The following WBP2NL variants were observed in gnomAD, a reference collection of about 807,000 sequenced individuals.
WBP2NL encodes the protein WBP2 N-terminal like.
In WBP2NL, 27 loss-of-function variants were observed where a neutral mutation model predicts 23.3. That is an observed-to-expected ratio of 1.16 (90% CI 0.85 to 1.60). The LOEUF is 1.60. Among genes scored for constraint, WBP2NL ranks in the 40% most tolerant of loss-of-function variants. The probability of loss-of-function intolerance (pLI) is 0.00; values close to 1 mark genes in which losing one functional copy is unlikely to be tolerated. For missense variants in WBP2NL, 370 were observed against 389.5 expected (o/e 0.95, Z 0.42); for synonymous variants, 151 against 145.9 (o/e 1.03, Z -0.25).
chr22:42,001,741 T>C, intron 1 of WBP2NL: 1 of 1,215,036 alleles, frequency 8.2e-7, no homozygotes, highest in Non-Finnish European at 1.2e-6. Flanking sequence ...CTGATGACAC[T>C]GGCCAGGTTA....
chr22:42,002,153 C>T (rs1242817565), intron 1 of WBP2NL, among the ~76,000 whole-genome samples: 1 of 152,224 alleles, frequency 6.6e-6, no homozygotes, highest in Non-Finnish European at 1.5e-5. Context: ...AAAAACAAAA[C>T]ACAGAAACAC....
intron 8 of WBP2NL, among the ~76,000 whole-genome samples, chr22:42,057,768 T>C (rs58099562): frequency 0.16 from 22,816 of 146,822 alleles, 2,033 homozygotes; most frequent in Non-Finnish European, 0.21. Flanking sequence ...TGAACATAGA[T>C]TGGTTATTAG....
At position 42,057,281 on chromosome 22, in the gene WBP2NL, G is replaced by A. The variant is rs1926074280; in HGVS notation, c.*274-1009G>A. On this transcript the variant is annotated intron_variant and NMD_transcript_variant, in intron 8 of 8. Transcript: ENST00000436265. ...CAACAGATCTGTCTTCAAGTTTGCT[G>A]ATTCTTTTTCTGTCAAATCTACTAT... 1.3e-5 allele frequency among the ~76,000 whole-genome samples: 2 copies of A among 152,090 alleles called. 1 individual carries two copies. The highest frequency in any genetic ancestry group is 3.8e-4 in the East Asian group (2 of 5,202).
intron 5 of WBP2NL, 131 bp downstream of exon 5, chr22:42,022,487 C>A: frequency 1.2e-6 from 1 of 804,620 alleles, no homozygotes; most frequent in Non-Finnish European, 1.9e-6. Flanking sequence ...ATGGTCACAT[C>A]TGTGACTTTG....
intron 1 of WBP2NL, among the ~76,000 whole-genome samples, chr22:42,000,450 T>C (rs1357170191): frequency 6.6e-6 from 1 of 152,220 alleles, no homozygotes; most frequent in Admixed American, 6.5e-5. Context: ...TCTTAAGATA[T>C]TTTTATTTCT....
At chr22:42,019,892 A>G (rs1923721339) in intron 3 of WBP2NL, 89 bp downstream of exon 3, 1 of 1,597,308 alleles carries the variant, frequency 6.3e-7, no homozygotes, top group Admixed American at 1.7e-5. Flanking sequence ...GTTGAAATTC[A>G]AACAAAAGCT....
chr22:42,052,846 G>T (rs764042080), intron 8 of WBP2NL, among the ~76,000 whole-genome samples: 1 of 152,116 alleles, frequency 6.6e-6, no homozygotes, highest in Non-Finnish European at 1.5e-5. Flanking sequence ...GCAGCTAATT[G>T]TAGGCTCTCT....
chr22:42,037,494 G>A (rs922218507), downstream of WBP2NL, among the ~76,000 whole-genome samples: 3 of 151,824 alleles, frequency 2.0e-5, no homozygotes, highest in South Asian at 6.2e-4. Context: ...AGTGCAATTG[G>A]GATTTTGATA....
chr22:42,035,853 T>C (rs1925162889), downstream of WBP2NL, among the ~76,000 whole-genome samples: 1 of 152,132 alleles, frequency 6.6e-6, no homozygotes, highest in Non-Finnish European at 1.5e-5. Context: ...ACCATCCTAC[T>C]TTCTGTTTCT....
chr22:42,007,832 G>A (rs1165557954), intron 1 of WBP2NL, among the ~76,000 whole-genome samples: 2 of 131,900 alleles, frequency 1.5e-5, no homozygotes, highest in Admixed American at 1.5e-4. Context: ...TCCACCTCCT[G>A]GTTATTGTGA....
At chr22:42,011,754 T>G (rs558055088) in intron 1 of WBP2NL, among the ~76,000 whole-genome samples, 7 of 137,804 alleles carry the variant, frequency 5.1e-5, no homozygotes, top group African/African-American at 1.7e-4. Context: ...TTTTTTTGGT[T>G]GTTGTTGTTG....
intron 8 of WBP2NL, among the ~76,000 whole-genome samples, chr22:42,057,321 A>G (rs536853783): frequency 6.6e-6 from 1 of 152,290 alleles, no homozygotes; most frequent in African/African-American, 2.4e-5. Flanking sequence ...AAACCTCTTC[A>G]GTGAATTCTC....
intron 5 of WBP2NL, among the ~76,000 whole-genome samples, chr22:42,022,828 G>T (rs1358595728): frequency 1.3e-5 from 2 of 152,166 alleles, no homozygotes; most frequent in Non-Finnish European, 2.9e-5. Flanking sequence ...ACTGCCTACT[G>T]GTGGGCCACC....
chr22:42,051,135 A>G (rs1309325713), intron 8 of WBP2NL, among the ~76,000 whole-genome samples: 1 of 152,258 alleles, frequency 6.6e-6, no homozygotes, highest in East Asian at 1.9e-4. Flanking sequence ...TATCTATACA[A>G]TGGGATATTA....
rs182324606 is a variant in WBP2NL at position 42,058,002 on chromosome 22, C to T, written c.*274-288C>T. Among the ~76,000 whole-genome samples the T allele has an allele frequency of 4.6e-4, 66 of 142,358 alleles. No homozygotes were observed. The East Asian group carries it at 0.01, about 23-fold the overall frequency. 93.4% of individuals were successfully genotyped at this position (142,358 alleles called of 152,430 possible). A position where few individuals can be genotyped will look rare whatever the true frequency, so the allele number is the denominator to read the frequency against. ...TGCCATCTCGGCTCACTGCAACCTC[C>T]GCCTCCCAGGATCACGCTGTTCTCC... On this transcript the variant is annotated intron_variant and NMD_transcript_variant, in intron 8 of 8. Coordinates refer to the WBP2NL transcript ENST00000436265.
At chr22:42,002,413 G>C (rs1428246424) in intron 1 of WBP2NL, among the ~76,000 whole-genome samples, 1 of 151,868 alleles carries the variant, frequency 6.6e-6, no homozygotes, top group African/African-American at 2.4e-5. Context: ...TGAAACCCCT[G>C]TCCCTACTAA....
chr22:42,033,673 G>T (rs1305015931), downstream of WBP2NL, among the ~76,000 whole-genome samples: 1 of 152,140 alleles, frequency 6.6e-6, no homozygotes, highest in African/African-American at 2.4e-5. Flanking sequence ...GCAGAGAGGA[G>T]GCCCTGGAGT....
intron 1 of WBP2NL, among the ~76,000 whole-genome samples, chr22:42,014,335 C>T (rs750618465): frequency 2.6e-5 from 4 of 152,198 alleles, no homozygotes; most frequent in Non-Finnish European, 4.4e-5. Flanking sequence ...AAGCAATCCT[C>T]CCACCTCAGT....
intron 8 of WBP2NL, among the ~76,000 whole-genome samples, chr22:42,041,482 A>T (rs1432173865): frequency 6.9e-5 from 5 of 72,536 alleles, no homozygotes; most frequent in African/African-American, 1.4e-4. Context: ...TTCTGTCTTT[A>T]AAAAAAAAAA....
Sources: gnomAD v4.1 joint callset for allele counts (sites outside exome capture counted in the v4.1 genomes callset) on GRCh38, gnomAD v4.1.1 for gene constraint, MANE v1.5 for transcripts, NCBI Gene and HGNC (gene_info 2026-07-23, HGNC 2026-07-21) for gene names.